OPCML: variants seen among roughly 807,000 people sequenced by gnomAD.
The protein encoded by OPCML is opioid-binding protein/cell adhesion molecule.
A neutral mutation model predicts 37.8 loss-of-function variants in OPCML; 13 were observed. The observed-to-expected ratio is 0.34, with a 90% CI of 0.22 to 0.55. The LOEUF is 0.55. Among genes scored for constraint, OPCML ranks in the 20% least tolerant of loss-of-function variants. OPCML has a pLI of 0.91. For missense variants in OPCML, 341 were observed against 435.6 expected (o/e 0.78, Z 1.93); for synonymous variants, 176 against 168.8 (o/e 1.04, Z -0.33).
chr11:132,815,339 T>C (rs1215776149), intron 2 of OPCML, among the ~76,000 whole-genome samples: 1 of 152,194 alleles, frequency 6.6e-6, no homozygotes, highest in Non-Finnish European at 1.5e-5. Context: ...GTAATTCAGA[T>C]GGCAGGGACC....
At chr11:132,979,723 A>G (rs1435225272) in intron 1 of OPCML, among the ~76,000 whole-genome samples, 1 of 152,242 alleles carries the variant, frequency 6.6e-6, no homozygotes, top group African/African-American at 2.4e-5. Flanking sequence ...TGAAGCTGGG[A>G]AAGTAGACTT....
intron 1 of OPCML, among the ~76,000 whole-genome samples, chr11:133,393,220 T>A (rs1242287431): frequency 6.6e-6 from 1 of 152,200 alleles, no homozygotes. Context: ...GCGTGTGAGT[T>A]CAATTTAATC....
At chr11:133,347,159 T>G (rs1274517402) in intron 1 of OPCML, among the ~76,000 whole-genome samples, 1 of 152,260 alleles carries the variant, frequency 6.6e-6, no homozygotes, top group Non-Finnish European at 1.5e-5. Context: ...TCTTCAAAAC[T>G]TAGCCATAGG....
intron 1 of OPCML, among the ~76,000 whole-genome samples, chr11:133,456,317 A>G (rs2136968466): frequency 6.6e-6 from 1 of 152,312 alleles, no homozygotes; most frequent in East Asian, 1.9e-4. Flanking sequence ...ACCACGAAAT[A>G]TGCCTTTAAA....
chr11:133,465,803 C>A (rs1591531958), intron 1 of OPCML, among the ~76,000 whole-genome samples: 1 of 152,044 alleles, frequency 6.6e-6, no homozygotes, highest in East Asian at 1.9e-4. Context: ...ACTGGGAGGA[C>A]TAAGGAGGCA....
intron 1 of OPCML, among the ~76,000 whole-genome samples, chr11:133,262,183 A>G (rs1384669480): frequency 1.3e-5 from 2 of 152,194 alleles, no homozygotes; most frequent in Non-Finnish European, 2.9e-5. Flanking sequence ...TATATGCATT[A>G]TCTCACATAT....
chr11:133,121,372 T>C (rs1949417882), intron 1 of OPCML, among the ~76,000 whole-genome samples: 1 of 152,196 alleles, frequency 6.6e-6, no homozygotes, highest in South Asian at 2.1e-4. Context: ...TACTCACCTA[T>C]CTCCTTAGTG....
chr11:133,094,266 T>C (rs79414705), intron 1 of OPCML, among the ~76,000 whole-genome samples: 16,465 of 152,206 alleles, frequency 0.11, 1,327 homozygotes, highest in African/African-American at 0.22. Context: ...CAGTAAAATA[T>C]TTAACACTAA....
intron 1 of OPCML, among the ~76,000 whole-genome samples, chr11:133,351,783 G>C (rs180964403): frequency 6.6e-6 from 1 of 151,374 alleles, no homozygotes; most frequent in Non-Finnish European, 1.5e-5. Context: ...ACACACACAC[G>C]TACACATGAA....
At chr11:132,514,035 T>G (rs2096274529) in intron 4 of OPCML, among the ~76,000 whole-genome samples, 1 of 152,228 alleles carries the variant, frequency 6.6e-6, no homozygotes, top group African/African-American at 2.4e-5. Flanking sequence ...ATGCAATACA[T>G]TTAGCCAAAG....
intron 3 of OPCML, among the ~76,000 whole-genome samples, chr11:132,610,154 C>T (rs904264841): frequency 1.2e-4 from 18 of 152,206 alleles, no homozygotes; most frequent in Non-Finnish European, 1.5e-5. Flanking sequence ...AACATTCCTA[C>T]TGGCACCTGG....
chr11:132,590,717 G>C (rs959606644), intron 3 of OPCML, among the ~76,000 whole-genome samples: 1 of 152,054 alleles, frequency 6.6e-6, no homozygotes, highest in Non-Finnish European at 1.5e-5. Flanking sequence ...CGGCACACAC[G>C]CATGACACCA....
chr11:132,523,039 C>T (rs900239728), intron 4 of OPCML, among the ~76,000 whole-genome samples: 1 of 152,178 alleles, frequency 6.6e-6, no homozygotes, highest in Non-Finnish European at 1.5e-5. Flanking sequence ...TGGGTTCAAG[C>T]GATTCTCCTG....
At chr11:132,540,679 T>C (rs1337895271) in intron 3 of OPCML, among the ~76,000 whole-genome samples, 1 of 152,142 alleles carries the variant, frequency 6.6e-6, no homozygotes, top group Non-Finnish European at 1.5e-5. Flanking sequence ...GAACAAATGG[T>C]TCTGAATAAC....
intron 1 of OPCML, among the ~76,000 whole-genome samples, chr11:133,140,849 ACG>A (rs1477801176): frequency 8.7e-5 from 8 of 91,614 alleles, no homozygotes; most frequent in African/African-American, 2.8e-4. Context: ...GACGACGACG[ACG>A]ACGAAGAAGA....
chr11:133,201,819 C>T (rs1938808695), intron 1 of OPCML, among the ~76,000 whole-genome samples: 2 of 152,194 alleles, frequency 1.3e-5, no homozygotes, highest in South Asian at 2.1e-4. Context: ...GAGGTCTCTG[C>T]CTGCCTTCTC....
In OPCML at chr11:133,003,612, T is replaced by A. The variant is rs894945307; in HGVS notation, c.62-60602A>T. 7 of 978,160 alleles carry A rather than the reference T, an allele frequency of 7.2e-6. No homozygotes were observed. The African/African-American group carries it at 1.1e-4, about 15-fold the overall frequency. 60.6% of individuals were successfully genotyped at this position (978,160 alleles called of 1,614,324 possible). On this transcript the variant is annotated intron_variant, in intron 1 of 7. Transcript: ENST00000524381. Reference sequence around the variant, plus strand: ...TAGAAGTTGGATATTGGCTGGAGAGTACTTTTCAGATGACCACAATATTCT... The same window carrying A: ...TAGAAGTTGGATATTGGCTGGAGAGAACTTTTCAGATGACCACAATATTCT...
In OPCML at chr11:132,832,229, T is replaced by C. The variant is rs554185507; in HGVS notation, c.146+110697A>G. On this transcript the variant is annotated intron_variant, in intron 2 of 7. Transcript: ENST00000524381. Reference sequence around the variant, plus strand: ...TGTTCCTTCCCAACCTCTTTTTTTTTTTTTGCTTTTATTTTAATGAAAAAA... The same window carrying C: ...TGTTCCTTCCCAACCTCTTTTTTTTCTTTTGCTTTTATTTTAATGAAAAAA... Among the ~76,000 whole-genome samples, 192 of 124,556 alleles carry C rather than the reference T, an allele frequency of 1.5e-3. 1 individual carries two copies. Among genetic ancestry groups the C allele is most frequent in the Admixed American group, 3.1e-3 (37 of 11,948 alleles). The allele number at this position is 124,556 out of a possible 152,430, so 81.7% of individuals were successfully genotyped here.
chr11:133,075,367 A>G (rs1565433376), intron 1 of OPCML, among the ~76,000 whole-genome samples: 1 of 152,194 alleles, frequency 6.6e-6, no homozygotes, highest in Non-Finnish European at 1.5e-5. Context: ...CTTCTCCTCA[A>G]TGAGGCCTTT....
Sources: gnomAD v4.1 joint callset for allele counts (sites outside exome capture counted in the v4.1 genomes callset) on GRCh38, gnomAD v4.1.1 for gene constraint, MANE v1.5 for transcripts, NCBI Gene and HGNC (gene_info 2026-07-23, HGNC 2026-07-21) for gene names.